The following KCNB2 variants were observed in gnomAD, a reference collection of about 807,000 sequenced individuals.
KCNB2 encodes the protein delayed rectifier potassium channel protein.
Under a neutral mutation model 61.5 loss-of-function variants are expected in KCNB2, and 15 were observed. The ratio of observed to expected loss-of-function variants is 0.24; its 90% CI spans 0.16 to 0.38. KCNB2 has a LOEUF of 0.38. Among genes scored for constraint, KCNB2 ranks in the 10% least tolerant of loss-of-function variants. KCNB2 has a pLI of 1.00. For missense variants in KCNB2, 828 were observed against 1,125.2 expected, an observed-to-expected ratio of 0.74 and a Z score of 3.78; for synonymous variants, 457 against 446.0, an observed-to-expected ratio of 1.02 and a Z score of -0.31.
At chr8:72,739,306 A>G (rs1217656189) in intron 2 of KCNB2, among the ~76,000 whole-genome samples, 1 of 151,920 alleles carries the variant, frequency 6.6e-6, no homozygotes, top group African/African-American at 2.4e-5. Context: ...ACGGTTTCAC[A>G]TTAGGCACTG....
At chr8:72,920,469 C>CTATATA (rs1168802571) in intron 2 of KCNB2, among the ~76,000 whole-genome samples, 1 of 71,276 alleles carries the variant, frequency 1.4e-5, no homozygotes, top group Non-Finnish European at 2.9e-5. Context: ...ATCTATCTAT[C>CTATATA]TATCTATATA....
chr8:72,915,045 C>A (rs551831087), intron 2 of KCNB2, among the ~76,000 whole-genome samples: 38 of 151,930 alleles, frequency 2.5e-4, no homozygotes, highest in Non-Finnish European at 4.3e-4. Flanking sequence ...GCTGGGATTA[C>A]AGGCATGCAC....
chr8:72,629,393 C>T lies in KCNB2; in HGVS notation c.579+61080C>T, dbSNP rs116782195. On this transcript the variant is annotated intron_variant, in intron 2 of 2. Coordinates refer to ENST00000523207, the MANE Select transcript of KCNB2 (RefSeq NM_004770.3). ...GAAACTCCACACTTAACAATCTGTTCTCTCATTCTATCTTTGTTTTACACA... is the reference window on the plus strand; with the variant it reads ...GAAACTCCACACTTAACAATCTGTTTTCTCATTCTATCTTTGTTTTACACA... Among the ~76,000 whole-genome samples, 800 of 152,316 alleles carry T rather than the reference C, an allele frequency of 5.3e-3. 10 individuals are homozygous for T. The highest frequency in any genetic ancestry group is 0.018 in the African/African-American group (753 of 41,566).
At chr8:72,598,210 T>A (rs1025019067) in intron 2 of KCNB2, among the ~76,000 whole-genome samples, 35 of 152,176 alleles carry the variant, frequency 2.3e-4, no homozygotes, top group Non-Finnish European at 4.3e-4. Context: ...AATAAAATAC[T>A]GGCAAACCGA....
At chr8:72,818,529 T>A (rs1809442401) in intron 2 of KCNB2, among the ~76,000 whole-genome samples, 1 of 152,172 alleles carries the variant, frequency 6.6e-6, no homozygotes, top group South Asian at 2.1e-4. Flanking sequence ...AAGAACTAAG[T>A]AATATGAACT....
At chr8:72,847,720 A>C (rs918286832) in intron 2 of KCNB2, among the ~76,000 whole-genome samples, 17 of 151,978 alleles carry the variant, frequency 1.1e-4, no homozygotes, top group African/African-American at 4.1e-4. Flanking sequence ...AAATGCAAAA[A>C]ATAAAAAAAA....
chr8:72,564,694 G>A (rs184574115), intron 1 of KCNB2, among the ~76,000 whole-genome samples: 8 of 152,236 alleles, frequency 5.3e-5, no homozygotes, highest in Admixed American at 3.9e-4. Context: ...CATCAGTGGC[G>A]CCAAAGACAG....
intron 2 of KCNB2, among the ~76,000 whole-genome samples, chr8:72,787,262 T>C (rs1808858097): frequency 6.6e-6 from 1 of 151,748 alleles, no homozygotes; most frequent in Non-Finnish European, 1.5e-5. Context: ...CTACCCATGG[T>C]GGAACACACC....
At chr8:72,560,811 GT>G (rs976423551) in intron 1 of KCNB2, among the ~76,000 whole-genome samples, 1 of 151,626 alleles carries the variant, frequency 6.6e-6, no homozygotes, top group Non-Finnish European at 1.5e-5. Flanking sequence ...ATAAAGAAAG[GT>G]TTTTTTTCTG....
intron 2 of KCNB2, among the ~76,000 whole-genome samples, chr8:72,873,410 C>A (rs963603088): frequency 2.0e-5 from 3 of 152,188 alleles, no homozygotes; most frequent in African/African-American, 7.2e-5. Flanking sequence ...AGCCATGTGG[C>A]CTTTGACTTT....
chr8:72,623,855 C>A (rs920410154), intron 2 of KCNB2, among the ~76,000 whole-genome samples: 1 of 152,180 alleles, frequency 6.6e-6, no homozygotes, highest in Non-Finnish European at 1.5e-5. Context: ...ATCAGACCCA[C>A]TGAGGCTGGC....
intron 2 of KCNB2, among the ~76,000 whole-genome samples, chr8:72,674,786 TG>T (rs1428102357): frequency 6.6e-6 from 1 of 152,188 alleles, no homozygotes; most frequent in Non-Finnish European, 1.5e-5. Context: ...GCAATGAAAT[TG>T]TGCTGGAAGC....
chr8:72,865,583 A>C (rs1233906208), intron 2 of KCNB2, among the ~76,000 whole-genome samples: 1 of 152,222 alleles, frequency 6.6e-6, no homozygotes, highest in East Asian at 1.9e-4. Flanking sequence ...ACAATTGCTT[A>C]ATATTAGTCT....
intron 2 of KCNB2, among the ~76,000 whole-genome samples, chr8:72,657,604 C>T (rs919424720): frequency 1.3e-5 from 2 of 152,034 alleles, no homozygotes; most frequent in Non-Finnish European, 2.9e-5. Context: ...AAACAGTCTC[C>T]TAAGAAATAC....
intron 2 of KCNB2, among the ~76,000 whole-genome samples, chr8:72,912,373 C>T (rs1806312443): frequency 6.6e-6 from 1 of 151,954 alleles, no homozygotes; most frequent in Non-Finnish European, 1.5e-5. Context: ...ACAAGATTTA[C>T]ATCCATTCCA....
intron 2 of KCNB2, among the ~76,000 whole-genome samples, chr8:72,658,627 ATAAT>A (rs1385509914): frequency 6.6e-6 from 1 of 152,162 alleles, no homozygotes; most frequent in Non-Finnish European, 1.5e-5. Context: ...TAGGAGTTTG[ATAAT>A]TAGAGAGGAG....
chr8:72,731,005 C>T (rs1807729733), intron 2 of KCNB2, among the ~76,000 whole-genome samples: 1 of 152,176 alleles, frequency 6.6e-6, no homozygotes, highest in African/African-American at 2.4e-5. Flanking sequence ...TATTCCTTCC[C>T]TTCTGTTGTG....
At chr8:72,848,271 C>G (rs1018507383) in intron 2 of KCNB2, among the ~76,000 whole-genome samples, 2 of 152,170 alleles carry the variant, frequency 1.3e-5, no homozygotes, top group African/African-American at 4.8e-5. Flanking sequence ...AGCTTTGGCT[C>G]CAACCACCCC....
chr8:72,929,242 G>A (rs927480501), intron 2 of KCNB2, among the ~76,000 whole-genome samples: 4 of 152,038 alleles, frequency 2.6e-5, no homozygotes, highest in Non-Finnish European at 5.9e-5. Flanking sequence ...TATCTTCAAA[G>A]GACTAAAATC....
Sources: gnomAD v4.1 joint callset for allele counts (sites outside exome capture counted in the v4.1 genomes callset) on GRCh38, gnomAD v4.1.1 for gene constraint, MANE v1.5 for transcripts, NCBI Gene and HGNC (gene_info 2026-07-23, HGNC 2026-07-21) for gene names.